The following DPH6 variants were observed in gnomAD, a reference collection of about 807,000 sequenced individuals.
The protein encoded by DPH6 is diphthamine biosynthesis 6.
Under a neutral mutation model 38.2 loss-of-function variants are expected in DPH6, and 33 were observed. The observed-to-expected ratio is 0.86, with a 90% confidence interval of 0.65 to 1.15. The LOEUF is 1.15. Ranked by LOEUF, DPH6 falls within the 50% of genes most tolerant of loss-of-function variation. The pLI is 0.00. For missense variants in DPH6, 325 were observed against 320.0 expected, an observed-to-expected ratio of 1.02 and a Z score of -0.12; for synonymous variants, 108 against 103.0, an observed-to-expected ratio of 1.05 and a Z score of -0.30.
intron 3 of DPH6, among the ~76,000 whole-genome samples, chr15:35,321,754 T>C (rs1271577437): frequency 6.6e-6 from 1 of 152,226 alleles, no homozygotes; most frequent in East Asian, 1.9e-4. Context: ...TGAATAGACA[T>C]GTTTCTTCCC....
intron 6 of DPH6, among the ~76,000 whole-genome samples, chr15:35,387,863 G>A (rs965411263): frequency 3.3e-5 from 5 of 152,138 alleles, no homozygotes; most frequent in African/African-American, 1.2e-4. Flanking sequence ...GCCCTGGCCA[G>A]AACTTCCAAC....
the DPH6 span, among the ~76,000 whole-genome samples, chr15:35,190,851 G>C: frequency 2.0e-4 from 30 of 152,244 alleles, no homozygotes; most frequent in Non-Finnish European, 3.8e-4. Flanking sequence ...AGTCAGTTAG[G>C]TCAGATCTCT....
At chr15:35,196,201 T>C in the DPH6 span, among the ~76,000 whole-genome samples, 124 of 152,272 alleles carry the variant, frequency 8.1e-4, no homozygotes, top group African/African-American at 2.6e-3. Context: ...AATGATAACA[T>C]TGTGCTATGC....
chr15:35,474,712 A>G (rs918069254), intron 3 of DPH6, among the ~76,000 whole-genome samples: 8 of 152,172 alleles, frequency 5.3e-5, no homozygotes, highest in African/African-American at 1.2e-4. Flanking sequence ...TTAGTCATCA[A>G]TAAGTCAGCA....
chr15:35,163,259 G>T, the DPH6 span, among the ~76,000 whole-genome samples: 1 of 151,692 alleles, frequency 6.6e-6, no homozygotes. Flanking sequence ...ACCTTCCATA[G>T]AGCCCAAGTT....
At position 35,350,519 on chromosome 15, in the gene DPH6, A is replaced by G. The variant is rs138209740; in HGVS notation, n.208-19442T>C. 2.8e-3 allele frequency among the ~76,000 whole-genome samples: 423 copies of G among 152,092 alleles called. 1 individual carries two copies. The highest frequency in any genetic ancestry group is 9.3e-3 in the African/African-American group (388 of 41,500). ...TACTTTTGTAGTTCTTTGAGATATA[A>G]TGTTAGAATTTTTATTTGACATCTT... On this transcript the variant is annotated intron_variant and non_coding_transcript_variant, in intron 3 of 3. Transcript: ENST00000558973.
At chr15:35,463,897 G>A (rs1403416938) in intron 3 of DPH6, among the ~76,000 whole-genome samples, 1 of 152,092 alleles carries the variant, frequency 6.6e-6, no homozygotes, top group Admixed American at 6.6e-5. Context: ...TTTGTGACAG[G>A]TCCTATACTA....
At chr15:35,157,578 C>T in the DPH6 span, among the ~76,000 whole-genome samples, 2 of 152,042 alleles carry the variant, frequency 1.3e-5, no homozygotes, top group African/African-American at 4.8e-5. Flanking sequence ...TACTCTGTCC[C>T]CTCATTTCCG....
chr15:35,409,927 A>G (rs1010623683), intron 6 of DPH6, among the ~76,000 whole-genome samples: 1 of 151,858 alleles, frequency 6.6e-6, no homozygotes, highest in Non-Finnish European at 1.5e-5. Flanking sequence ...AATTAACACT[A>G]TGAAAAAAAT....
intron 3 of DPH6, among the ~76,000 whole-genome samples, chr15:35,270,185 A>G (rs1284431517): frequency 2.0e-5 from 3 of 152,244 alleles, no homozygotes; most frequent in African/African-American, 7.2e-5. Context: ...GTTAGCAACC[A>G]AAAGAATGGT....
intron 3 of DPH6, among the ~76,000 whole-genome samples, chr15:35,285,872 G>GTTTTTTTTT (rs67243158): frequency 0.27 from 14,441 of 52,588 alleles, 5,065 homozygotes; most frequent in South Asian, 0.57. Context: ...TTATCTTTGA[G>GTTTTTTTTT]TTTTTTTTTT....
intron 3 of DPH6, among the ~76,000 whole-genome samples, chr15:35,523,023 T>C (rs1255593394): frequency 6.6e-6 from 1 of 152,110 alleles, no homozygotes; most frequent in Non-Finnish European, 1.5e-5. Context: ...TATTTTAAAT[T>C]ATTTCCTTAG....
At chr15:35,498,595 C>G (rs80354591) in intron 3 of DPH6, among the ~76,000 whole-genome samples, 4,138 of 152,104 alleles carry the variant, frequency 0.027, 195 homozygotes, top group African/African-American at 0.096. Flanking sequence ...AGTGTACATG[C>G]GTCCTTGTTG....
At chr15:35,182,423 T>C in the DPH6 span, among the ~76,000 whole-genome samples, 1 of 151,984 alleles carries the variant, frequency 6.6e-6, no homozygotes, top group African/African-American at 2.4e-5. Context: ...GCTTAATTAT[T>C]ATTGACAAGG....
chr15:35,406,160 T>C (rs1021892063), intron 6 of DPH6, among the ~76,000 whole-genome samples: 1 of 151,962 alleles, frequency 6.6e-6, no homozygotes, highest in African/African-American at 2.4e-5. Flanking sequence ...GTAGTGAGCT[T>C]TGAATTGAGA....
chr15:35,347,373 A>G (rs555084134), intron 3 of DPH6, among the ~76,000 whole-genome samples: 2 of 151,724 alleles, frequency 1.3e-5, no homozygotes, highest in African/African-American at 2.4e-5. Context: ...GGCTGGCTCA[A>G]ACTCCCGGGT....
intron 3 of DPH6, among the ~76,000 whole-genome samples, chr15:35,480,578 C>T (rs2054314514): frequency 6.6e-6 from 1 of 151,926 alleles, no homozygotes; most frequent in African/African-American, 2.4e-5. Context: ...AGTAGTTTAA[C>T]ATTTTTATCC....
chr15:35,198,808 A>ATAG, the DPH6 span, among the ~76,000 whole-genome samples: 1 of 152,250 alleles, frequency 6.6e-6, no homozygotes, highest in Non-Finnish European at 1.5e-5. Flanking sequence ...GCGTCTTACT[A>ATAG]TAAGTACAGC....
intron 3 of DPH6, chr15:35,299,322 G>T (rs2052037705): frequency 2.9e-6 from 3 of 1,033,030 alleles, no homozygotes; most frequent in African/African-American, 3.1e-5. Context: ...TCGTCCTTTG[G>T]CTCTTTGCCT....
Sources: allele counts gnomAD v4.1 joint callset (sites outside exome capture counted in the v4.1 genomes callset), GRCh38; gene constraint gnomAD v4.1.1; transcripts MANE v1.5; gene names NCBI Gene and HGNC (gene_info 2026-07-23, HGNC 2026-07-21).